CRELD2: variants seen among roughly 807,000 people sequenced by gnomAD.
The protein encoded by CRELD2 is protein disulfide isomerase CRELD2.
A neutral mutation model predicts 48.1 loss-of-function variants in CRELD2; 33 were observed. The ratio of observed to expected loss-of-function variants is 0.69; its 90% CI spans 0.52 to 0.92. The LOEUF is 0.92. Among genes scored for constraint, CRELD2 ranks in the 40% least tolerant of loss-of-function variants. The pLI, the probability that CRELD2 is intolerant of heterozygous loss-of-function variation, is 0.00. For missense variants in CRELD2, 477 were observed against 482.4 expected, an observed-to-expected ratio of 0.99 and a Z score of 0.10; for synonymous variants, 220 against 203.9, an observed-to-expected ratio of 1.08 and a Z score of -0.67.
Position 49,922,318 on chromosome 22 carries a change from C to G in CRELD2, c.593-294C>G, listed in dbSNP as rs562885075. ...GCAGTCAGGACCGGCCTCTCCGATTCTTACCCGCCTTGCTGTCTGTCTCTT... is the reference window on the plus strand; with the variant it reads ...GCAGTCAGGACCGGCCTCTCCGATTGTTACCCGCCTTGCTGTCTGTCTCTT... On this transcript the variant is annotated intron_variant, in intron 5 of 9. Coordinates refer to ENST00000328268, the MANE Select transcript of CRELD2 (RefSeq NM_024324.5). The G allele has an allele frequency of 1.6e-4, 199 of 1,237,430 alleles. No individual in the cohort carries two copies. The Middle Eastern group carries it at 4.3e-3, about 26-fold the overall frequency. The allele number at this position is 1,237,430 out of a possible 1,614,324, so 76.7% of individuals were successfully genotyped here. A position where few individuals can be genotyped will look rare whatever the true frequency, so the allele number is the denominator to read the frequency against.
Position 49,924,378 on chromosome 22 carries a change from T to TGG in CRELD2, c.793_794dup (p.Cys266AlafsTer32). 6.2e-7 allele frequency: 1 copy of TGG among 1,612,094 alleles called. No homozygotes were observed. The highest frequency in any genetic ancestry group is 8.5e-7 in the Non-Finnish European group (1 of 1,179,272). Reference sequence around the variant, plus strand: ...GTTGCAGAGTGTGACTCCAGCTGTGTGGGCTGCACAGGGGAAGGCCCAGGA... The same window carrying TGG: ...GTTGCAGAGTGTGACTCCAGCTGTGTGGGGGCTGCACAGGGGAAGGCCCAGGA... On this transcript the variant is annotated frameshift_variant, in exon 8 of 10. Transcript: ENST00000328268. LOFTEE classifies it high-confidence loss of function.
chr22:49,918,709 C>G lies in CRELD2; in HGVS notation c.-61C>G. The G allele has an allele frequency of 1.6e-6, 1 of 636,256 alleles. No individual in the cohort carries two copies. Among genetic ancestry groups the G allele is most frequent in the East Asian group, 3.7e-5 (1 of 27,086 alleles). The allele number at this position is 636,256 out of a possible 1,614,324, so 39.4% of individuals were successfully genotyped here. On this transcript the variant is annotated 5_prime_UTR_variant, in exon 1 of 10. Transcript: ENST00000328268. ...GGGAGCGGGTGGGCGGCCGGGAGGC[C>G]GGAGCAGCACGGCCGCAGGACCTGG... is the stretch of plus-strand genomic sequence containing the variant.
intron 6 of CRELD2, 46 bp downstream of exon 6, chr22:49,922,753 G>A: frequency 8.7e-7 from 1 of 1,155,982 alleles, no homozygotes; most frequent in Non-Finnish European, 1.2e-6. Context: ...CGTGAGGCGT[G>A]GGGGGTGTGA....
At position 49,918,897 on chromosome 22, in the gene CRELD2, A is replaced by AG; in HGVS notation, c.129+1dup. 1 of 1,313,468 alleles carries AG rather than the reference A, an allele frequency of 7.6e-7. No individual in the cohort carries two copies. The highest frequency in any genetic ancestry group is 2.1e-5 in the South Asian group (1 of 48,194). The allele number at this position is 1,313,468 out of a possible 1,614,324, so 81.4% of individuals were successfully genotyped here. ...CGGGGGCTGGTGGACAAGTTTAACC[A>AG]GGTGGGAAGGGGCCGGGCGGGGTCG... On this transcript the variant is annotated frameshift_variant and splice_region_variant, in exon 1 of 10. Coordinates refer to ENST00000328268, the MANE Select transcript of CRELD2 (RefSeq NM_024324.5). LOFTEE classifies it high-confidence loss of function.
At chr22:49,920,731 T>C (rs2060676795) in intron 4 of CRELD2, among the ~76,000 whole-genome samples, 1 of 152,224 alleles carries the variant, frequency 6.6e-6, no homozygotes, top group South Asian at 2.1e-4. Flanking sequence ...GAAGTGTGCA[T>C]TGAAACTGAA....
chr22:49,924,450 G>T lies in CRELD2; in HGVS notation c.863G>T (p.Cys288Phe), dbSNP rs372396626. The change falls in exon 8 of 10, where the codon TGT (cysteine) becomes TTT (phenylalanine). Residue 288 changes from cysteine to phenylalanine, a missense_variant. Transcript: ENST00000328268. The part of the protein sequence containing the change: ...ISGYAREHGQ[C>F]ADVDECSLAE... ...GGCTACGCGAGGGAGCACGGACAGT[G>T]TGCAGGTCAGTGACGGGGTCTGTGC... 6.2e-7 allele frequency: 1 copy of T among 1,602,408 alleles called. No homozygotes were observed. Among genetic ancestry groups the T allele is most frequent in the African/African-American group, 1.3e-5 (1 of 74,824 alleles).
rs371523425 is a variant in CRELD2 at position 49,925,723 on chromosome 22, C to T, written c.1009+166C>T. The stretch of plus-strand genomic sequence containing the variant: ...TGACATCTCTGTGTGGGCACGCTTG[C>T]GCGAGAGGTACTGGCTTCCTGAGGA... On this transcript the variant is annotated intron_variant, in intron 9 of 9. Coordinates refer to ENST00000328268, the MANE Select transcript of CRELD2 (RefSeq NM_024324.5). 48 of 1,437,054 alleles carry T rather than the reference C, an allele frequency of 3.3e-5. No individual in the cohort carries two copies. In the Admixed American group the frequency reaches 6.6e-4, roughly 20 times the overall value. 89.0% of individuals were successfully genotyped at this position (1,437,054 alleles called of 1,614,324 possible).
chr22:49,922,900 T>TGGG (rs1322401061), intron 6 of CRELD2, among the ~76,000 whole-genome samples, 193 bp downstream of exon 6: 1 of 43,868 alleles, frequency 2.3e-5, no homozygotes, highest in Admixed American at 2.8e-4. Context: ...GAGCATGAGG[T>TGGG]GGGGCGTGAG....
chr22:49,924,745 C>G, intron 8 of CRELD2: 1 of 261,120 alleles, frequency 3.8e-6, no homozygotes, highest in Non-Finnish European at 7.5e-6. Flanking sequence ...CCCTCCAGCT[C>G]CTGGGTGGCG....
In CRELD2 at chr22:49,922,697, C is replaced by T. The variant is rs774822691; in HGVS notation, c.678C>T (p.Gly226=). 88 of 1,506,850 alleles carry T rather than the reference C, an allele frequency of 5.8e-5. 2 individuals are homozygous for T. Among genetic ancestry groups the T allele is most frequent in the South Asian group, 3.9e-4 (33 of 83,658 alleles). The allele number at this position is 1,506,850 out of a possible 1,614,324, so 93.3% of individuals were successfully genotyped here. A position where few individuals can be genotyped will look rare whatever the true frequency, so the allele number is the denominator to read the frequency against. The change falls in exon 6 of 10, where the codon GGC becomes GGT. Residue 226 remains glycine, a synonymous_variant. Transcript: ENST00000328268. Reference sequence around the variant, plus strand: ...AAGTGGGCTGGGTGCTGGACGAGGGCGCCTGTGTGGGTGAGGAGCGGCCCG... The same window carrying T: ...AAGTGGGCTGGGTGCTGGACGAGGGTGCCTGTGTGGGTGAGGAGCGGCCCG... ...ECEVGWVLDE[G]ACVDVDECAA...
chr22:49,918,774 G>GCCTGCCGCGCCGGGCCGCGCTGGGGCT lies in CRELD2; in HGVS notation c.14_40dup (p.Arg5_Pro13dup). On this transcript the variant is annotated inframe_insertion, in exon 1 of 10. Coordinates refer to ENST00000328268, the MANE Select transcript of CRELD2 (RefSeq NM_024324.5). Reference sequence around the variant, plus strand: ...CTTCCCGCAGCGCTACCCGCCATGCGCCTGCCGCGCCGGGCCGCGCTGGGG... The same window carrying GCCTGCCGCGCCGGGCCGCGCTGGGGCT: ...CTTCCCGCAGCGCTACCCGCCATGCGCCTGCCGCGCCGGGCCGCGCTGGGGCTCCTGCCGCGCCGGGCCGCGCTGGGG... The GCCTGCCGCGCCGGGCCGCGCTGGGGCT allele has an allele frequency of 8.2e-7, 1 of 1,212,878 alleles. No individual in the cohort carries two copies. The highest frequency in any genetic ancestry group is 2.3e-5 in the South Asian group (1 of 44,050). The allele number at this position is 1,212,878 out of a possible 1,614,324, so 75.1% of individuals were successfully genotyped here. A position where few individuals can be genotyped will look rare whatever the true frequency, so the allele number is the denominator to read the frequency against.
intron 5 of CRELD2, chr22:49,922,333 G>C: frequency 6.2e-7 from 1 of 1,610,600 alleles, no homozygotes. Flanking sequence ...CCGCCTTGCT[G>C]TCTGTCTCTT....
intron 1 of CRELD2, 38 bp from the exon 2 acceptor site, chr22:49,919,192 A>G: frequency 1.3e-6 from 2 of 1,598,808 alleles, no homozygotes; most frequent in South Asian, 1.1e-5. Flanking sequence ...GACCCGGGTC[A>G]GGTGGTACCA....
intron 4 of CRELD2, 42 bp from the exon 5 acceptor site, chr22:49,921,543 A>T: frequency 6.3e-7 from 1 of 1,587,992 alleles, no homozygotes; most frequent in East Asian, 2.2e-5. Flanking sequence ...CGCACCGGTC[A>T]CCACCAGGTG....
chr22:49,922,551 C>A, intron 5 of CRELD2, 61 bp from the exon 6 acceptor site: 1 of 1,486,572 alleles, frequency 6.7e-7, no homozygotes, highest in Non-Finnish European at 9.1e-7. Context: ...TTAAACGAGC[C>A]TTGTCCCCAA....
Position 49,924,344 on chromosome 22 carries a change from T to A in CRELD2, c.773-16T>A. On this transcript the variant is annotated splice_polypyrimidine_tract_variant and intron_variant, in intron 7 of 9. Coordinates refer to ENST00000328268, the MANE Select transcript of CRELD2 (RefSeq NM_024324.5). ...CCTTGTGCATGTCGGGGTCTGACGC[T>A]GGCTCCCTGTTGCAGAGTGTGACTC... 1.9e-6 allele frequency: 3 copies of A among 1,598,980 alleles called. No individual in the cohort carries two copies. Among genetic ancestry groups the A allele is most frequent in the Non-Finnish European group, 2.6e-6 (3 of 1,169,924 alleles).
At chr22:49,925,797 G>A in intron 9 of CRELD2, 1 of 1,318,368 alleles carries the variant, frequency 7.6e-7, no homozygotes, top group Non-Finnish European at 9.9e-7. Context: ...GATGAAGGGG[G>A]AAGTCTCTGA....
intron 7 of CRELD2, 41 bp from the exon 8 acceptor site, chr22:49,924,319 C>G: frequency 6.8e-7 from 1 of 1,476,558 alleles, no homozygotes; most frequent in East Asian, 2.3e-5. Context: ...GGCACTGGTG[C>G]CTTGTGCATG....
intron 8 of CRELD2, chr22:49,924,861 C>G (rs144434757): frequency 0.26 from 44,639 of 170,626 alleles, 7,274 homozygotes; most frequent in African/African-American, 0.47. Flanking sequence ...GGGCAGGCGC[C>G]ATGGTTCATG....
Sources: gnomAD v4.1 joint callset for allele counts (sites outside exome capture counted in the v4.1 genomes callset) on GRCh38, gnomAD v4.1.1 for gene constraint, MANE v1.5 for transcripts, NCBI Gene and HGNC (gene_info 2026-07-23, HGNC 2026-07-21) for gene names.